Variants in LGR4 observed in about 807,000 individuals in gnomAD.
The protein encoded by LGR4 is leucine-rich repeat-containing G protein-coupled receptor 4.
A neutral mutation model predicts 84.8 loss-of-function variants in LGR4; 44 were observed. The observed-to-expected ratio is 0.52, with a 90% CI of 0.41 to 0.67. The LOEUF (loss-of-function observed/expected upper bound fraction) is 0.67, where lower values mean the gene tolerates loss of function less well. Ranked by LOEUF, LGR4 falls within the 30% of genes least tolerant of loss-of-function variation. The pLI, the probability that LGR4 is intolerant of heterozygous loss-of-function variation, is 0.00. For missense variants in LGR4, 1,032 were observed against 1,131.4 expected, an observed-to-expected ratio of 0.91 and a Z score of 1.26; for synonymous variants, 429 against 434.3, an observed-to-expected ratio of 0.99 and a Z score of 0.15.
chr11:27,462,370 C>T (rs113278395), intron 1 of LGR4, among the ~76,000 whole-genome samples: 1 of 152,192 alleles, frequency 6.6e-6, no homozygotes, highest in Non-Finnish European at 1.5e-5. Flanking sequence ...TTCCCTTGAG[C>T]TCCCTCCTCC....
At chr11:27,425,101 T>C (rs1211130640) in intron 1 of LGR4, among the ~76,000 whole-genome samples, 1 of 152,182 alleles carries the variant, frequency 6.6e-6, no homozygotes, top group East Asian at 1.9e-4. Context: ...CTTAACTTTA[T>C]CAGTCTATTT....
At chr11:27,408,534 T>C (rs1863654016) in intron 2 of LGR4, among the ~76,000 whole-genome samples, 1 of 152,112 alleles carries the variant, frequency 6.6e-6, no homozygotes, top group African/African-American at 2.4e-5. Context: ...CTGCTGTTCC[T>C]AACTCCAACA....
intron 1 of LGR4, among the ~76,000 whole-genome samples, chr11:27,466,318 CT>C (rs1864777531): frequency 1.3e-5 from 2 of 152,148 alleles, no homozygotes; most frequent in Non-Finnish European, 2.9e-5. Context: ...ATTCTTGCAA[CT>C]TTACTTAATA....
chr11:27,461,823 AG>A (rs1355536569), intron 1 of LGR4, among the ~76,000 whole-genome samples: 2 of 149,046 alleles, frequency 1.3e-5, no homozygotes, highest in African/African-American at 4.9e-5. Context: ...AGGTTCCCAA[AG>A]ATTGAGTTAG....
intron 1 of LGR4, among the ~76,000 whole-genome samples, chr11:27,443,734 GT>G (rs1836877433): frequency 6.6e-6 from 1 of 152,116 alleles, no homozygotes; most frequent in Admixed American, 6.5e-5. Flanking sequence ...GACAGATTTT[GT>G]TTTCTACCAG....
intron 16 of LGR4, 150 bp downstream of exon 16, chr11:27,372,133 G>A: frequency 1.6e-6 from 1 of 630,744 alleles, no homozygotes; most frequent in South Asian, 1.9e-5. Context: ...CCTAAGTGCT[G>A]AGATTACAGG....
Position 27,437,049 on chromosome 11 carries a change from G to A in LGR4, c.186-24189C>T, listed in dbSNP as rs577609287. Among the ~76,000 whole-genome samples, 151 of 152,158 alleles carry A rather than the reference G, an allele frequency of 9.9e-4. 1 individual carries two copies. In the South Asian group the frequency reaches 0.014, roughly 14 times the overall value. ...TCCATTTTACTTTGGTTCTTCTGCT[G>A]TTTCCACCCAATATTTAGATAGAAA... is the stretch of plus-strand genomic sequence containing the variant. On this transcript the variant is annotated intron_variant, in intron 1 of 17. Transcript: ENST00000379214.
chr11:27,368,137 T>C lies in LGR4; in HGVS notation c.2586A>G (p.Glu862=). Residue 862 remains glutamate (E), a synonymous_variant, in exon 18 of 18, where the codon GAA becomes GAG. Transcript: ENST00000379214. ...ATACTGGCTTTGTTAAAAGAAACGA[T>C]TCGCAGCAGTCGCAAACAGTCAGGT... The part of the protein sequence containing the change: ...QGNLTVCDCC[E]SFLLTKPVSC... The C allele has an allele frequency of 6.2e-6, 10 of 1,614,150 alleles. No homozygotes were observed. Among genetic ancestry groups the C allele is most frequent in the Non-Finnish European group, 8.5e-6 (10 of 1,180,020 alleles).
rs761925670 is a variant in LGR4, at chr11:27,467,566, C to CAAAAAAAAAAAAAAAAAAAAAA, written c.185+4551_185+4552insTTTTTTTTTTTTTTTTTTTTTT. Among the ~76,000 whole-genome samples the CAAAAAAAAAAAAAAAAAAAAAA allele has an allele frequency of 3.1e-3, 158 of 51,758 alleles. 3 individuals carry two copies. Among genetic ancestry groups the CAAAAAAAAAAAAAAAAAAAAAA allele is most frequent in the African/African-American group, 7.8e-3 (149 of 19,216 alleles). 34.0% of individuals were successfully genotyped at this position (51,758 alleles called of 152,430 possible). ...TGGGCAACAGCGCAAGAGTCCGTCT[C>CAAAAAAAAAAAAAAAAAAAAAA]AAAAAAAAAAAAAAAATCAAATTAA... On this transcript the variant is annotated intron_variant, in intron 1 of 17. Coordinates refer to ENST00000379214, the MANE Select transcript of LGR4 (RefSeq NM_018490.5).
intron 2 of LGR4, 61 bp downstream of exon 2, chr11:27,412,722 TAGCAAA>T (rs1265917396): frequency 1.0e-6 from 1 of 955,222 alleles, no homozygotes. Context: ...ACTTTCTCTG[TAGCAAA>T]AGCTTCCAAA....
At chr11:27,385,167 T>C in intron 5 of LGR4, 86 bp downstream of exon 5, 3 of 947,436 alleles carry the variant, frequency 3.2e-6, no homozygotes, top group Non-Finnish European at 1.6e-6. Flanking sequence ...TTCAGCGAGA[T>C]GCCTTGATAA....
chr11:27,390,855 A>G (rs1863271212), intron 4 of LGR4, among the ~76,000 whole-genome samples: 1 of 152,176 alleles, frequency 6.6e-6, no homozygotes, highest in Non-Finnish European at 1.5e-5. Context: ...AAGTTCATGG[A>G]AGTACACCCA....
intron 1 of LGR4, among the ~76,000 whole-genome samples, chr11:27,459,321 G>A (rs552089579): frequency 6.6e-6 from 1 of 152,248 alleles, no homozygotes; most frequent in Non-Finnish European, 1.5e-5. Flanking sequence ...TCAGGCTCGA[G>A]TAACTTGAGG....
At chr11:27,430,721 T>C (rs566177408) in intron 1 of LGR4, among the ~76,000 whole-genome samples, 1 of 152,128 alleles carries the variant, frequency 6.6e-6, no homozygotes, top group African/African-American at 2.4e-5. Flanking sequence ...CCTCTTTCCA[T>C]GCTTGCCCCT....
At chr11:27,471,111 T>G (rs969223243) in intron 1 of LGR4, among the ~76,000 whole-genome samples, 1 of 152,066 alleles carries the variant, frequency 6.6e-6, no homozygotes, top group African/African-American at 2.4e-5. Context: ...ACAAAAACCC[T>G]ACCCTGTTCC....
At chr11:27,374,361 C>G (rs890269796) in intron 13 of LGR4, among the ~76,000 whole-genome samples, 6 of 152,152 alleles carry the variant, frequency 3.9e-5, no homozygotes, top group Admixed American at 3.9e-4. Context: ...TTTGGTACTG[C>G]TAACTCAGTG....
intron 1 of LGR4, among the ~76,000 whole-genome samples, chr11:27,441,679 T>A (rs1226954628): frequency 6.6e-6 from 1 of 152,100 alleles, no homozygotes; most frequent in Admixed American, 6.6e-5. Flanking sequence ...GTCAGAGGGA[T>A]TTAGCAGTTC....
intron 2 of LGR4, among the ~76,000 whole-genome samples, chr11:27,407,960 T>C (rs1863643059): frequency 6.6e-6 from 1 of 152,112 alleles, no homozygotes; most frequent in African/African-American, 2.4e-5. Context: ...GTGAAGGGTA[T>C]ATGAAAAATT....
intron 7 of LGR4, 22 bp from the exon 8 acceptor site, chr11:27,380,988 A>T (rs977083951): frequency 1.5e-6 from 2 of 1,293,518 alleles, no homozygotes; most frequent in Non-Finnish European, 1.1e-6. Flanking sequence ...GGAGAAAAGT[A>T]TTTTGAAATG....
Sources: gnomAD v4.1 joint callset for allele counts (sites outside exome capture counted in the v4.1 genomes callset) on GRCh38, gnomAD v4.1.1 for gene constraint, MANE v1.5 for transcripts, NCBI Gene and HGNC (gene_info 2026-07-23, HGNC 2026-07-21) for gene names.